Variants in RBMS3 observed in about 807,000 individuals in gnomAD.
RBMS3 encodes RNA-binding motif, single-stranded-interacting protein 3.
In RBMS3, 27 loss-of-function variants were observed where a neutral mutation model predicts 66.8. The observed-to-expected ratio is 0.40, with a 90% CI of 0.30 to 0.56. The LOEUF is 0.56. Among genes scored for constraint, RBMS3 ranks in the 20% least tolerant of loss-of-function variants. The pLI, the probability that RBMS3 is intolerant of heterozygous loss-of-function variation, is 0.40. For synonymous variants in RBMS3, 188 were observed against 183.0 expected, an observed-to-expected ratio of 1.03 and a Z score of -0.22; for missense variants, 513 against 549.5, an observed-to-expected ratio of 0.93 and a Z score of 0.66.
intron 12 of RBMS3, among the ~76,000 whole-genome samples, chr3:29,980,812 T>G (rs950179101): frequency 1.3e-5 from 2 of 152,096 alleles, no homozygotes; most frequent in African/African-American, 4.8e-5. Flanking sequence ...GTACCAGTAC[T>G]GTGCTGTTTT....
intron 1 of RBMS3, among the ~76,000 whole-genome samples, chr3:29,306,711 A>C (rs1267771665): frequency 1.3e-5 from 2 of 151,860 alleles, no homozygotes; most frequent in African/African-American, 4.8e-5. Flanking sequence ...GTGTCCCTAT[A>C]GAAGAGCCTC....
chr3:29,985,143 A>G (rs35588517), intron 12 of RBMS3, among the ~76,000 whole-genome samples: 25,927 of 152,094 alleles, frequency 0.17, 2,604 homozygotes, highest in East Asian at 0.34. Context: ...TGGCTTTGCC[A>G]CCCAGTTTGA....
intron 14 of RBMS3, among the ~76,000 whole-genome samples, chr3:29,998,026 T>C (rs946618573): frequency 3.9e-5 from 6 of 152,304 alleles, no homozygotes; most frequent in Admixed American, 3.9e-4. Context: ...AACCCCATCA[T>C]CTCAGCCCCA....
At chr3:29,607,748 A>G (rs760566412) in intron 4 of RBMS3, among the ~76,000 whole-genome samples, 27 of 151,958 alleles carry the variant, frequency 1.8e-4, no homozygotes, top group Non-Finnish European at 3.7e-4. Context: ...TAAGTTTCAT[A>G]TTATTCTCTG....
intron 4 of RBMS3, among the ~76,000 whole-genome samples, chr3:29,622,132 C>T (rs1463779802): frequency 6.6e-6 from 1 of 152,136 alleles, no homozygotes; most frequent in Non-Finnish European, 1.5e-5. Context: ...TTCATGTATT[C>T]CTCCTACAAA....
rs562819389 is a variant in RBMS3, at chr3:29,810,639, G to A, written c.637+47650G>A. 1.1e-4 allele frequency among the ~76,000 whole-genome samples: 17 copies of A among 152,202 alleles called. No homozygotes were observed. In the East Asian group the frequency reaches 2.9e-3, roughly 26 times the overall value. On this transcript the variant is annotated intron_variant, in intron 6 of 14. Coordinates refer to ENST00000383767, the MANE Select transcript of RBMS3 (RefSeq NM_001003793.3). ...TGCTAAAATAAGGATGCATTGATGA[G>A]GTTATGGTGTAACACATTCATGGTG...
At chr3:29,422,392 A>AAC (rs2040783237) in intron 1 of RBMS3, among the ~76,000 whole-genome samples, 1 of 65,586 alleles carries the variant, frequency 1.5e-5, no homozygotes, top group African/African-American at 9.6e-5. Context: ...GAATATCACC[A>AAC]GCCCAAAAAA....
chr3:29,897,499 T>A lies in RBMS3; in HGVS notation c.888+24T>A, dbSNP rs1201247873. 3.2e-6 allele frequency: 5 copies of A among 1,585,424 alleles called. No individual in the cohort carries two copies. In the South Asian group the frequency reaches 5.5e-5, roughly 18 times the overall value. Reference sequence around the variant, plus strand: ...AGGTATGTCCAATTTACCTGCACCTTAGGAGATATCTTTCTTGCAGTAATA... The same window carrying A: ...AGGTATGTCCAATTTACCTGCACCTAAGGAGATATCTTTCTTGCAGTAATA... On this transcript the variant is annotated intron_variant, in intron 9 of 14. Transcript: ENST00000383767.
At chr3:29,882,767 C>T (rs2059766748) in intron 7 of RBMS3, among the ~76,000 whole-genome samples, 1 of 152,024 alleles carries the variant, frequency 6.6e-6, no homozygotes, top group Non-Finnish European at 1.5e-5. Flanking sequence ...GAAAACCATC[C>T]TCAACCACAA....
chr3:29,349,794 G>A (rs759461586), intron 1 of RBMS3, among the ~76,000 whole-genome samples: 5 of 152,100 alleles, frequency 3.3e-5, no homozygotes, highest in South Asian at 4.1e-4. Context: ...GTTAAATTCC[G>A]ATAGCCTTCA....
intron 12 of RBMS3, among the ~76,000 whole-genome samples, chr3:29,955,370 C>G (rs1385482117): frequency 6.6e-6 from 1 of 152,050 alleles, no homozygotes; most frequent in Non-Finnish European, 1.5e-5. Flanking sequence ...AAGAAAGCTA[C>G]ATTCCAAGTA....
chr3:29,845,181 A>G (rs1006775868), intron 6 of RBMS3, among the ~76,000 whole-genome samples: 7 of 152,236 alleles, frequency 4.6e-5, no homozygotes, highest in African/African-American at 1.7e-4. Flanking sequence ...GCTTAGCAAG[A>G]TGCCTGGCTC....
chr3:29,682,174 T>G (rs1296087991), intron 4 of RBMS3, among the ~76,000 whole-genome samples: 1 of 152,170 alleles, frequency 6.6e-6, no homozygotes, highest in Non-Finnish European at 1.5e-5. Flanking sequence ...TGAGTCGGAG[T>G]CTCGCTCTGA....
At chr3:29,473,405 C>T (rs1476603247) in intron 2 of RBMS3, among the ~76,000 whole-genome samples, 2 of 152,194 alleles carry the variant, frequency 1.3e-5, no homozygotes, top group African/African-American at 2.4e-5. Context: ...AAAGGTTCTC[C>T]AAGTTCCCAC....
At chr3:29,853,563 C>A (rs1251421437) in intron 6 of RBMS3, among the ~76,000 whole-genome samples, 5 of 151,786 alleles carry the variant, frequency 3.3e-5, no homozygotes, top group African/African-American at 1.2e-4. Context: ...TTGTCCCTCC[C>A]CCTGTGCTCT....
chr3:29,616,136 T>C (rs1369490219), intron 4 of RBMS3: 1 of 152,178 alleles, frequency 6.6e-6, no homozygotes, highest in Non-Finnish European at 1.5e-5. Flanking sequence ...TAGTTTTCTG[T>C]TTTAAGGCTA....
intron 1 of RBMS3, among the ~76,000 whole-genome samples, chr3:29,382,895 T>C (rs1234372580): frequency 6.6e-6 from 1 of 152,212 alleles, no homozygotes; most frequent in Non-Finnish European, 1.5e-5. Context: ...TCTGGGTTGA[T>C]TAATGAACAA....
chr3:29,405,740 T>C (rs1248370622), intron 1 of RBMS3, among the ~76,000 whole-genome samples: 1 of 152,200 alleles, frequency 6.6e-6, no homozygotes, highest in Non-Finnish European at 1.5e-5. Context: ...AATTCAGCCA[T>C]TTTATCTATA....
intron 10 of RBMS3, among the ~76,000 whole-genome samples, chr3:29,915,134 G>A (rs2060606729): frequency 6.7e-6 from 1 of 149,256 alleles, no homozygotes; most frequent in African/African-American, 2.5e-5. Flanking sequence ...GGTTCCCACT[G>A]CTTTTAGAAT....
Sources: gnomAD v4.1 joint callset for allele counts (sites outside exome capture counted in the v4.1 genomes callset) on GRCh38, gnomAD v4.1.1 for gene constraint, MANE v1.5 for transcripts, NCBI Gene and HGNC (gene_info 2026-07-23, HGNC 2026-07-21) for gene names.